ITGA7: variants seen among roughly 807,000 people sequenced by gnomAD.
ITGA7 encodes integrin subunit alpha 7.
In ITGA7, 84 loss-of-function variants were observed where a neutral mutation model predicts 131.6. The ratio of observed to expected loss-of-function variants is 0.64; its 90% CI spans 0.54 to 0.77. The LOEUF (loss-of-function observed/expected upper bound fraction) is 0.77, where lower values mean the gene tolerates loss of function less well. Among genes scored for constraint, ITGA7 ranks in the 30% least tolerant of loss-of-function variants. The pLI, the probability that ITGA7 is intolerant of heterozygous loss-of-function variation, is 0.00. For missense variants in ITGA7, 1,399 were observed against 1,482.9 expected, an observed-to-expected ratio of 0.94 and a Z score of 0.93; for synonymous variants, 548 against 600.7, an observed-to-expected ratio of 0.91 and a Z score of 1.28.
upstream of ITGA7, among the ~76,000 whole-genome samples, chr12:55,715,576 C>T (rs1876452440): frequency 1.3e-5 from 2 of 152,156 alleles, no homozygotes; most frequent in Non-Finnish European, 2.9e-5. Flanking sequence ...TAGCCAAGCT[C>T]CCTAGGAGGC....
At chr12:55,689,813 C>T (rs973233948) in intron 21 of ITGA7, among the ~76,000 whole-genome samples, 12 of 152,178 alleles carry the variant, frequency 7.9e-5, no homozygotes, top group Middle Eastern at 3.4e-3. Flanking sequence ...TCAGAAATAA[C>T]GCCACATATC....
chr12:55,709,117 C>T (rs1242915074), upstream of ITGA7, among the ~76,000 whole-genome samples: 1 of 152,198 alleles, frequency 6.6e-6, no homozygotes, highest in African/African-American at 2.4e-5. Flanking sequence ...CTCTCACTAT[C>T]TGATTTTGTC....
At chr12:55,689,881 CTATTTAA>C (rs547308213) in intron 21 of ITGA7, among the ~76,000 whole-genome samples, 1,618 of 152,276 alleles carry the variant, frequency 0.011, 24 homozygotes, top group African/African-American at 0.037. Flanking sequence ...AAAGGATTCC[CTATTTAA>C]TAAATGGTGC....
chr12:55,703,216 T>C (rs753484889), intron 1 of ITGA7, 38 bp from the exon 2 acceptor site: 10 of 1,599,868 alleles, frequency 6.3e-6, no homozygotes, highest in Non-Finnish European at 8.5e-6. Flanking sequence ...GGGACAGGAG[T>C]TAGAGGTCAG....
At chr12:55,710,164 C>T (rs763107455), upstream of ITGA7, among the ~76,000 whole-genome samples, 16 of 152,052 alleles carry the variant, frequency 1.1e-4, no homozygotes, top group Non-Finnish European at 2.1e-4. Context: ...AGTTCAAGAC[C>T]AGCCGGACCA....
chr12:55,716,220 G>GT, upstream of ITGA7: 5 of 1,590,698 alleles, frequency 3.1e-6, no homozygotes, highest in Non-Finnish European at 3.4e-6. Context: ...CCTGTCGGCC[G>GT]TTTTCTCTTC....
At position 55,698,011 on chromosome 12, in the gene ITGA7, G is replaced by A. The variant is rs959323794; in HGVS notation, c.1208C>T (p.Ala403Val). Residue 403 changes from alanine (A) to valine (V), a missense_variant, in exon 8 of 25, where the codon GCC becomes GTC. Ala to Val is a moderately conservative substitution (Grantham distance 64). Transcript: ENST00000257879. ...GACTTTCCCATCACCATCAAAGGGG[G>A]CACCCACTGCAATATCTGCAGGGCA... ...QDGFPDIAVG[A>V]PFDGDGKVFI... 2 of 1,614,120 alleles carry A rather than the reference G, an allele frequency of 1.2e-6. No individual in the cohort carries two copies. The highest frequency in any genetic ancestry group is 8.5e-7 in the Non-Finnish European group (1 of 1,180,016).
chr12:55,690,455 TAA>T (rs1234955916), intron 21 of ITGA7, among the ~76,000 whole-genome samples: 111 of 146,016 alleles, frequency 7.6e-4, no homozygotes, highest in Admixed American at 1.7e-3. Flanking sequence ...TGGCAATCAT[TAA>T]AAAGTCAGGA....
At position 55,698,484 on chromosome 12, in the gene ITGA7, T is replaced by A. The variant is rs772387657; in HGVS notation, c.1091A>T (p.His364Leu). The A allele has an allele frequency of 7.4e-6, 12 of 1,613,808 alleles. No individual in the cohort carries two copies. Among genetic ancestry groups the A allele is most frequent in the Non-Finnish European group, 1.0e-5 (12 of 1,179,898 alleles). The change falls in exon 7 of 25, where the codon CAC (histidine) becomes CTC (leucine). Residue 364 changes from histidine to leucine, a missense_variant. Physicochemically the swap from His to Leu is moderately conservative, Grantham distance 99. Coordinates refer to ENST00000257879, the MANE Select transcript of ITGA7 (RefSeq NM_002206.3). Reference protein sequence around the residue: ...AVYVYLNQGGHWAGISPLRLC... With the variant: ...AVYVYLNQGGLWAGISPLRLC... Reference sequence around the variant, plus strand: ...CCGGAGAGGGGAGATCCCAGCCCAGTGACCCCCCTGGTTCAAGTACACATA... The same window carrying A: ...CCGGAGAGGGGAGATCCCAGCCCAGAGACCCCCCTGGTTCAAGTACACATA...
chr12:55,699,045 G>T (rs1873352053), intron 5 of ITGA7, 128 bp from the exon 6 acceptor site: 14 of 811,226 alleles, frequency 1.7e-5, no homozygotes, highest in Non-Finnish European at 2.8e-5. Context: ...CCTGCACCCT[G>T]CCCCCTCCCC....
rs1482818772 is a variant in ITGA7 at position 55,707,748 on chromosome 12, C to A, written c.-66G>T. ...ATCTCGCACGCCCCAAGCCCCAGGT[C>A]CCCCCAGGCGCGTCTCTGGTCTCCA... is the stretch of plus-strand genomic sequence containing the variant. On this transcript the variant is annotated 5_prime_UTR_variant, in exon 1 of 25. Coordinates refer to ENST00000257879, the MANE Select transcript of ITGA7 (RefSeq NM_002206.3). The A allele has an allele frequency of 1.5e-5, 23 of 1,549,096 alleles. No individual in the cohort carries two copies. Among genetic ancestry groups the A allele is most frequent in the East Asian group, 2.4e-5 (1 of 40,896 alleles).
In ITGA7 at chr12:55,696,968, C is replaced by T; in HGVS notation, c.1668G>A (p.Gln556=). ...LSRNLEEPKH[Q]ASGTVWLKHQ... is the part of the protein sequence containing the mutation. ...GCTTCAGCCACACGGTGCCCGAGGC[C>T]TGGTGCTTGGGTTCTTCCAGGTTAC... Residue 556 remains glutamine, a synonymous_variant, in exon 12 of 25, where the codon CAG becomes CAA. Transcript: ENST00000257879. The T allele has an allele frequency of 1.2e-6, 2 of 1,614,176 alleles. No homozygotes were observed. The highest frequency in any genetic ancestry group is 1.7e-6 in the Non-Finnish European group (2 of 1,180,034).
At chr12:55,700,814 G>A (rs1873833017) in intron 4 of ITGA7, 85 bp downstream of exon 4, 1 of 1,550,846 alleles carries the variant, frequency 6.4e-7, no homozygotes, top group Non-Finnish European at 8.9e-7. Context: ...ATGTGGTCAT[G>A]CTTGGCCATG....
chr12:55,707,699 G>T lies in ITGA7; in HGVS notation c.-17C>A. On this transcript the variant is annotated 5_prime_UTR_variant, in exon 1 of 25. Transcript: ENST00000257879. ...CCCGGCCATGGGACGATCCCTGCGC[G>T]AGCTCCCAGCGAATGCAAGGGAAAT... is the stretch of plus-strand genomic sequence containing the variant. 1 of 1,559,240 alleles carries T rather than the reference G, an allele frequency of 6.4e-7. No individual in the cohort carries two copies.
upstream of ITGA7, chr12:55,712,491 C>A: frequency 1.8e-6 from 1 of 570,798 alleles, no homozygotes; most frequent in South Asian, 2.5e-5. Flanking sequence ...TTGGAGCTTG[C>A]TAATTAAAGC....
chr12:55,716,170 A>C (rs2136130346), upstream of ITGA7: 1 of 1,612,374 alleles, frequency 6.2e-7, no homozygotes, highest in African/African-American at 1.3e-5. Flanking sequence ...CACCAGGCCA[A>C]GCAGAATGAA....
chr12:55,695,769 A>C, intron 13 of ITGA7, 132 bp from the exon 14 acceptor site: 1 of 700,210 alleles, frequency 1.4e-6, no homozygotes, highest in Non-Finnish European at 2.6e-6. Flanking sequence ...TCTGCTGCTT[A>C]TTAGCCATGT....
intron 3 of ITGA7, among the ~76,000 whole-genome samples, chr12:55,702,474 G>A (rs963132491): frequency 1.3e-5 from 2 of 152,080 alleles, no homozygotes; most frequent in East Asian, 1.9e-4. Flanking sequence ...GGCCACGCCC[G>A]GCTAATTTTT....
chr12:55,695,399 C>T, intron 14 of ITGA7, 123 bp downstream of exon 14: 2 of 737,042 alleles, frequency 2.7e-6, no homozygotes, highest in Non-Finnish European at 2.3e-6. Flanking sequence ...GGCAGGTCCT[C>T]TTCCACCTTC....
Sources: gnomAD v4.1 joint callset for allele counts (sites outside exome capture counted in the v4.1 genomes callset) on GRCh38, gnomAD v4.1.1 for gene constraint, MANE v1.5 for transcripts, NCBI Gene and HGNC (gene_info 2026-07-23, HGNC 2026-07-21) for gene names.